The following SLC41A2 variants were observed in gnomAD, a reference collection of about 807,000 sequenced individuals.
SLC41A2 encodes the protein solute carrier family 41 member 2.
A neutral mutation model predicts 58.3 loss-of-function variants in SLC41A2; 32 were observed. The ratio of observed to expected loss-of-function variants is 0.55; its 90% CI spans 0.41 to 0.74. SLC41A2 has a LOEUF of 0.74. Ranked by LOEUF, SLC41A2 falls within the 30% of genes least tolerant of loss-of-function variation. The probability of loss-of-function intolerance (pLI) is 0.00; values close to 1 mark genes in which losing one functional copy is unlikely to be tolerated. For missense variants in SLC41A2, 514 were observed against 680.6 expected, an observed-to-expected ratio of 0.76 and a Z score of 2.72; for synonymous variants, 190 against 235.0, an observed-to-expected ratio of 0.81 and a Z score of 1.75.
chr12:104,812,366 A>G (rs1025994566), intron 10 of SLC41A2, among the ~76,000 whole-genome samples: 5 of 152,234 alleles, frequency 3.3e-5, no homozygotes, highest in Non-Finnish European at 7.3e-5. Flanking sequence ...AAAATTTGCT[A>G]TGATTTTTAA....
At chr12:104,907,182 G>A (rs1439146580) in intron 3 of SLC41A2, among the ~76,000 whole-genome samples, 5 of 145,324 alleles carry the variant, frequency 3.4e-5, no homozygotes, top group Admixed American at 6.9e-5. Flanking sequence ...TATGTCACTC[G>A]TTATCCTTTT....
At chr12:104,895,402 TG>T in intron 3 of SLC41A2, 57 bp from the exon 4 acceptor site, 7 of 1,221,902 alleles carry the variant, frequency 5.7e-6, no homozygotes, top group Non-Finnish European at 8.4e-6. Flanking sequence ...TTCTCTGCTG[TG>T]TTCAAACAGC....
chr12:104,820,329 G>A (rs552406289), intron 10 of SLC41A2, among the ~76,000 whole-genome samples: 5 of 152,300 alleles, frequency 3.3e-5, no homozygotes, highest in Admixed American at 2.6e-4. Flanking sequence ...CAGGCATGGC[G>A]GTGCACACCT....
At chr12:104,956,954 G>C (rs1382466761) in intron 1 of SLC41A2, among the ~76,000 whole-genome samples, 1 of 152,192 alleles carries the variant, frequency 6.6e-6, no homozygotes, top group Non-Finnish European at 1.5e-5. Context: ...CTCATACACT[G>C]CTTAGTGGGA....
At chr12:104,875,776 G>C (rs184231122) in intron 6 of SLC41A2, among the ~76,000 whole-genome samples, 5 of 152,244 alleles carry the variant, frequency 3.3e-5, no homozygotes, top group African/African-American at 4.8e-5. Context: ...TTGGGTAACA[G>C]AGCAAGACCC....
chr12:104,836,716 G>T (rs969538883), intron 10 of SLC41A2, among the ~76,000 whole-genome samples: 1 of 152,144 alleles, frequency 6.6e-6, no homozygotes, highest in Non-Finnish European at 1.5e-5. Flanking sequence ...TCTAATAGAT[G>T]AATTTAAAAT....
Position 104,885,260 on chromosome 12 carries a change from T to C in SLC41A2, c.1027+1033A>G, listed in dbSNP as rs190096861. 5.3e-5 allele frequency among the ~76,000 whole-genome samples: 8 copies of C among 152,276 alleles called. No homozygotes were observed. The East Asian group carries it at 1.5e-3, about 29-fold the overall frequency. On this transcript the variant is annotated intron_variant, in intron 6 of 10. Coordinates refer to ENST00000258538, the MANE Select transcript of SLC41A2 (RefSeq NM_001352171.3). ...ATATTCCTTGAACATACACACCAAG[T>C]CTTATTAAATATTGTTTTTATGCCA...
At chr12:104,814,720 A>G (rs2041319193) in intron 10 of SLC41A2, among the ~76,000 whole-genome samples, 1 of 152,208 alleles carries the variant, frequency 6.6e-6, no homozygotes, top group South Asian at 2.1e-4. Context: ...GGCTAAGCAA[A>G]TGCTTGGTTT....
At chr12:104,847,513 G>A (rs1406496292) in intron 8 of SLC41A2, among the ~76,000 whole-genome samples, 1 of 151,146 alleles carries the variant, frequency 6.6e-6, no homozygotes, top group East Asian at 1.9e-4. Flanking sequence ...GCTGAGGCAG[G>A]CGAATCACTT....
intron 1 of SLC41A2, among the ~76,000 whole-genome samples, 200 bp downstream of exon 1, chr12:104,957,888 G>A (rs1482606321): frequency 6.6e-6 from 1 of 152,068 alleles, no homozygotes; most frequent in Non-Finnish European, 1.5e-5. Flanking sequence ...AGGCGCGGGG[G>A]CCTGGGCTCG....
At chr12:104,882,496 T>C (rs922173268) in intron 6 of SLC41A2, among the ~76,000 whole-genome samples, 1 of 152,144 alleles carries the variant, frequency 6.6e-6, no homozygotes, top group Non-Finnish European at 1.5e-5. Context: ...CTTCAGGAGC[T>C]CTTTTAGGGC....
chr12:104,932,475 A>C lies in SLC41A2; in HGVS notation c.-167-3781T>G, dbSNP rs142919926. Among the ~76,000 whole-genome samples the C allele has an allele frequency of 4.5e-3, 690 of 152,012 alleles. 18 individuals carry two copies. The highest frequency in any genetic ancestry group is 4.3e-3 in the East Asian group (22 of 5,176). On this transcript the variant is annotated intron_variant, in intron 1 of 10. Transcript: ENST00000258538. ...CCTTGTCTCTACAAAAAATGCAAAA[A>C]TTAGCTGGGCATGATGGCGTGCACC...
Position 104,803,584 on chromosome 12 carries a change from G to C in SLC41A2, c.*1568C>G, listed in dbSNP as rs2040772594. 1 of 152,080 alleles carries C rather than the reference G, an allele frequency of 6.6e-6. No individual in the cohort carries two copies. The highest frequency in any genetic ancestry group is 1.5e-5 in the Non-Finnish European group (1 of 68,012). The allele number at this position is 152,080 out of a possible 1,614,324, so 9.4% of individuals were successfully genotyped here. ...AAATCATGATGATCAAAGTTAATGT[G>C]CATTTTGATACCCTTATCAGCTTAA... On this transcript the variant is annotated 3_prime_UTR_variant, in exon 11 of 11. Coordinates refer to ENST00000258538, the MANE Select transcript of SLC41A2 (RefSeq NM_001352171.3).
intron 4 of SLC41A2, among the ~76,000 whole-genome samples, chr12:104,892,302 A>AAT (rs199888494): frequency 0.038 from 4,327 of 113,908 alleles, 330 homozygotes; most frequent in East Asian, 0.18. Context: ...TCTCAAAAAA[A>AAT]AAATAAAATA....
chr12:104,904,413 C>G (rs951754517), intron 3 of SLC41A2, among the ~76,000 whole-genome samples: 3 of 152,230 alleles, frequency 2.0e-5, no homozygotes, highest in African/African-American at 7.2e-5. Context: ...CAAAAAGCCT[C>G]TCGGATTGAG....
At chr12:104,829,056 G>A (rs2041952956) in intron 10 of SLC41A2, among the ~76,000 whole-genome samples, 1 of 152,192 alleles carries the variant, frequency 6.6e-6, no homozygotes, top group Admixed American at 6.5e-5. Flanking sequence ...TAGTGGGAAT[G>A]CAGAATGGTA....
intron 3 of SLC41A2, among the ~76,000 whole-genome samples, chr12:104,898,868 A>T (rs929358654): frequency 1.3e-5 from 2 of 152,224 alleles, no homozygotes; most frequent in Admixed American, 1.3e-4. Context: ...ATGGCAAATA[A>T]GCATTTGAAA....
chr12:104,923,510 TA>T (rs964321703), intron 2 of SLC41A2, among the ~76,000 whole-genome samples: 3 of 151,026 alleles, frequency 2.0e-5, no homozygotes, highest in African/African-American at 4.9e-5. Flanking sequence ...AAATTCAGAC[TA>T]AAAAAATACA....
intron 10 of SLC41A2, among the ~76,000 whole-genome samples, chr12:104,811,556 G>A (rs1243524661): frequency 1.3e-5 from 2 of 152,086 alleles, no homozygotes; most frequent in Non-Finnish European, 2.9e-5. Context: ...AGCACAAGAA[G>A]GGATAAACAG....
Sources: gnomAD v4.1 joint callset for allele counts (sites outside exome capture counted in the v4.1 genomes callset) on GRCh38, gnomAD v4.1.1 for gene constraint, MANE v1.5 for transcripts, NCBI Gene and HGNC (gene_info 2026-07-23, HGNC 2026-07-21) for gene names.